Variants in AKAP19 observed in about 807,000 individuals in gnomAD.
AKAP19 encodes the protein small A-kinase anchoring protein.
the AKAP19 span, among the ~76,000 whole-genome samples, chr2:189,968,416 G>T: frequency 6.6e-6 from 1 of 151,990 alleles, no homozygotes; most frequent in Admixed American, 6.6e-5. Context: ...TTTTAAAATT[G>T]TTTTGTAGAG....
chr2:189,909,879 GATGA>G, the AKAP19 span, among the ~76,000 whole-genome samples: 2 of 151,820 alleles, frequency 1.3e-5, no homozygotes, highest in East Asian at 3.9e-4. Flanking sequence ...CCACTTTGAT[GATGA>G]ATAACTACTA....
At chr2:189,979,160 C>T in the AKAP19 span, among the ~76,000 whole-genome samples, 3 of 152,024 alleles carry the variant, frequency 2.0e-5, no homozygotes, top group Non-Finnish European at 4.4e-5. Context: ...CTGGAGGCAT[C>T]ATATTACCTA....
At chr2:190,127,248 G>T in the AKAP19 span, among the ~76,000 whole-genome samples, 1 of 150,368 alleles carries the variant, frequency 6.7e-6, no homozygotes, top group Non-Finnish European at 1.5e-5. Context: ...AAACTTGGCA[G>T]AAAGCTTATT....
At chr2:189,928,518 G>T in the AKAP19 span, among the ~76,000 whole-genome samples, 14 of 152,170 alleles carry the variant, frequency 9.2e-5, no homozygotes, top group South Asian at 6.2e-4. Flanking sequence ...CTTCAAATTT[G>T]CTTTATGTAA....
chr2:190,069,053 A>G, the AKAP19 span, among the ~76,000 whole-genome samples: 20 of 151,880 alleles, frequency 1.3e-4, no homozygotes, highest in Non-Finnish European at 1.0e-4. Flanking sequence ...TCCCCAACAT[A>G]GGTTCATATT....
At chr2:190,122,888 C>T in the AKAP19 span, among the ~76,000 whole-genome samples, 9 of 151,738 alleles carry the variant, frequency 5.9e-5, no homozygotes, top group African/African-American at 1.9e-4. Context: ...TAGCTCACTG[C>T]AACCTTGAAC....
chr2:190,190,771 C>T, the AKAP19 span, among the ~76,000 whole-genome samples: 1 of 151,962 alleles, frequency 6.6e-6, no homozygotes, highest in African/African-American at 2.4e-5. Flanking sequence ...TAAAAAATAC[C>T]TTTTTAAAAT....
chr2:190,071,772 G>A, the AKAP19 span, among the ~76,000 whole-genome samples: 1 of 151,962 alleles, frequency 6.6e-6, no homozygotes, highest in Non-Finnish European at 1.5e-5. Context: ...GGTTTATAAT[G>A]TACACAAGAT....
the AKAP19 span, among the ~76,000 whole-genome samples, chr2:190,065,357 C>T: frequency 6.6e-6 from 1 of 152,096 alleles, no homozygotes; most frequent in Admixed American, 6.6e-5. Context: ...TGAAAAATTT[C>T]TGAAGATGAA....
chr2:189,883,614 T>A, the AKAP19 span, among the ~76,000 whole-genome samples: 4 of 151,928 alleles, frequency 2.6e-5, no homozygotes, highest in African/African-American at 9.7e-5. Context: ...AGCTCACTTT[T>A]TCATAAAATC....
the AKAP19 span, among the ~76,000 whole-genome samples, chr2:189,988,122 G>A: frequency 6.6e-6 from 1 of 152,116 alleles, no homozygotes; most frequent in East Asian, 1.9e-4. Context: ...CCACAGAACT[G>A]GTTGGCAGGT....
chr2:190,174,044 C>T, the AKAP19 span, among the ~76,000 whole-genome samples: 91 of 152,290 alleles, frequency 6.0e-4, no homozygotes, highest in Non-Finnish European at 1.0e-3. Flanking sequence ...ACTACTCACC[C>T]TGCCACTCCG....
At chr2:189,923,178 G>T in the AKAP19 span, among the ~76,000 whole-genome samples, 13 of 152,170 alleles carry the variant, frequency 8.5e-5, no homozygotes, top group Admixed American at 2.6e-4. Flanking sequence ...AGGCCATTTT[G>T]TGAAGAGACG....
the AKAP19 span, among the ~76,000 whole-genome samples, chr2:190,042,850 T>C: frequency 6.6e-6 from 1 of 152,192 alleles, no homozygotes; most frequent in Non-Finnish European, 1.5e-5. Flanking sequence ...CTTTTCTATA[T>C]TTATGCTTCT....
chr2:189,930,302 G>A, the AKAP19 span: 1 of 632,794 alleles, frequency 1.6e-6, no homozygotes, highest in Non-Finnish European at 2.4e-6. Flanking sequence ...TGCATCAACT[G>A]GCTCCATGGA....
the AKAP19 span, among the ~76,000 whole-genome samples, chr2:190,071,600 A>T: frequency 7.2e-5 from 11 of 152,334 alleles, no homozygotes; most frequent in East Asian, 2.1e-3. Context: ...TATGATGTTC[A>T]TACAACAATG....
the AKAP19 span, among the ~76,000 whole-genome samples, chr2:190,115,286 TATATATATATATATA>T: frequency 8.8e-4 from 7 of 7,966 alleles, no homozygotes; most frequent in African/African-American, 2.3e-3. Flanking sequence ...TATATATATA[TATATATATATATATA>T]TTTTTTTTTT....
At chr2:190,096,505 A>G in the AKAP19 span, among the ~76,000 whole-genome samples, 1 of 152,154 alleles carries the variant, frequency 6.6e-6, no homozygotes, top group African/African-American at 2.4e-5. Context: ...CCTAGGTCAT[A>G]TAGCCCTATT....
chr2:189,934,220 G>C, the AKAP19 span, among the ~76,000 whole-genome samples: 1 of 152,040 alleles, frequency 6.6e-6, no homozygotes, highest in African/African-American at 2.4e-5. Context: ...GTGTGAAGAA[G>C]AGTGAATTCC....
Sources: allele counts gnomAD v4.1 joint callset (sites outside exome capture counted in the v4.1 genomes callset), GRCh38; gene constraint gnomAD v4.1.1; transcripts MANE v1.5; gene names NCBI Gene and HGNC (gene_info 2026-07-23, HGNC 2026-07-21).